Variants in ARMC9 observed in about 807,000 individuals in gnomAD.
ARMC9 encodes the protein armadillo repeat containing 9, also known as lisH domain-containing protein ARMC9.
ARMC9 carries 94 observed loss-of-function variants against 107.0 expected under a neutral mutation model. The observed-to-expected ratio is 0.88, with a 90% CI of 0.74 to 1.04. The LOEUF (loss-of-function observed/expected upper bound fraction) is 1.04, where lower values mean the gene tolerates loss of function less well. Ranked by LOEUF, ARMC9 falls within the 50% of genes least tolerant of loss-of-function variation. ARMC9 has a pLI of 0.00. For synonymous variants in ARMC9, 380 were observed against 396.9 expected (o/e 0.96, Z 0.51); for missense variants, 942 against 1,030.1 (o/e 0.91, Z 1.17).
At chr2:231,350,318 G>A (rs1380481578) in intron 21 of ARMC9, among the ~76,000 whole-genome samples, 1 of 152,056 alleles carries the variant, frequency 6.6e-6, no homozygotes, top group Non-Finnish European at 1.5e-5. Flanking sequence ...GAGCCACTGT[G>A]CCTGGCCTTA....
rs2045551944 is a variant in ARMC9, at chr2:231,360,978, G to C, written c.2261+95G>C. ...GCAGAGCACCCAGGAGACCTGGAAG[G>C]CTCCTCTGAGGCCCAGCCTCTGACA... is the stretch of plus-strand genomic sequence containing the variant. On this transcript the variant is annotated intron_variant, in intron 23 of 24. Coordinates refer to ENST00000611582, the MANE Select transcript of ARMC9 (RefSeq NM_001352754.2). This position sits in a 1 kb window ranked among gnomAD's most constrained non-coding sequence, Gnocchi z 4.7. The C allele has an allele frequency of 7.0e-7, 1 of 1,430,374 alleles. No individual in the cohort carries two copies. The highest frequency in any genetic ancestry group is 9.1e-7 in the Non-Finnish European group (1 of 1,093,522). 88.6% of individuals were successfully genotyped at this position (1,430,374 alleles called of 1,614,324 possible).
At chr2:231,284,292 CACTT>C (rs1323521759) in intron 17 of ARMC9, among the ~76,000 whole-genome samples, 2 of 152,150 alleles carry the variant, frequency 1.3e-5, no homozygotes, top group African/African-American at 4.8e-5. Flanking sequence ...CTAGGTTTGT[CACTT>C]ACTCTATGAT....
intron 13 of ARMC9, among the ~76,000 whole-genome samples, chr2:231,272,187 GTTTT>G (rs56201225): frequency 1.2e-3 from 123 of 99,722 alleles, no homozygotes; most frequent in Non-Finnish European, 1.8e-3. Flanking sequence ...TGTGTGTTTG[GTTTT>G]TTTTTTTTTT....
chr2:231,345,059 AC>A lies in ARMC9; in HGVS notation c.1968del (p.Gly657AlafsTer95). 2 of 1,613,762 alleles carry A rather than the reference AC, an allele frequency of 1.2e-6. No individual in the cohort carries two copies. The highest frequency in any genetic ancestry group is 1.7e-5 in the Admixed American group (1 of 59,890). ...GGATGAGCCCCTGCAAAGGCCCGTC[AC>A]CCCCGGCGGCCACAGAAACGGGTAC... ...SGDEPLQRPV[T>X]PGGHRNGYPV... On this transcript the variant is annotated frameshift_variant, in exon 21 of 25. Coordinates refer to ENST00000611582, the MANE Select transcript of ARMC9 (RefSeq NM_001352754.2). LOFTEE classifies it high-confidence loss of function.
chr2:231,315,686 GTTC>G (rs1169726812), intron 19 of ARMC9, among the ~76,000 whole-genome samples: 2 of 152,150 alleles, frequency 1.3e-5, no homozygotes, highest in Non-Finnish European at 1.5e-5. Flanking sequence ...CAAAACACGA[GTTC>G]TTCAACTTTG....
At chr2:231,282,646 TGTG>T (rs1271324035) in intron 17 of ARMC9, among the ~76,000 whole-genome samples, 1 of 152,254 alleles carries the variant, frequency 6.6e-6, no homozygotes, top group Non-Finnish European at 1.5e-5. Flanking sequence ...TATTAAATGC[TGTG>T]GTGAAAGGAT....
chr2:231,349,233 A>G (rs1392635384), intron 21 of ARMC9, among the ~76,000 whole-genome samples: 2 of 152,238 alleles, frequency 1.3e-5, no homozygotes, highest in African/African-American at 2.4e-5. Context: ...CATATACACA[A>G]TGGAGTACTA....
At chr2:231,241,216 AT>A (rs1240514452) in intron 9 of ARMC9, among the ~76,000 whole-genome samples, 154 of 147,860 alleles carry the variant, frequency 1.0e-3, no homozygotes, top group African/African-American at 3.6e-3. Flanking sequence ...AAAAAAAAAA[AT>A]AGAACATTTC....
chr2:231,209,381 C>CA (rs1020799310), intron 3 of ARMC9, among the ~76,000 whole-genome samples: 2 of 151,802 alleles, frequency 1.3e-5, no homozygotes, highest in Non-Finnish European at 2.9e-5. Flanking sequence ...ACCCTGTCTC[C>CA]AAAAAAATTA....
At chr2:231,291,641 C>T (rs1190954129) in intron 18 of ARMC9, among the ~76,000 whole-genome samples, 198 bp downstream of exon 18, 6 of 151,890 alleles carry the variant, frequency 4.0e-5, no homozygotes, top group South Asian at 2.1e-4. Context: ...TATGGTGAAA[C>T]GCTGTCTCTA....
intron 19 of ARMC9, among the ~76,000 whole-genome samples, chr2:231,324,105 A>C (rs1317589025): frequency 6.7e-6 from 1 of 150,334 alleles, no homozygotes; most frequent in Non-Finnish European, 1.5e-5. Flanking sequence ...AATTCTCAGC[A>C]AATTTAATTG....
At chr2:231,261,661 A>G (rs2038356517) in intron 11 of ARMC9, among the ~76,000 whole-genome samples, 1 of 152,154 alleles carries the variant, frequency 6.6e-6, no homozygotes, top group African/African-American at 2.4e-5. Context: ...CCCATCCTGC[A>G]GGGACCAGCT....
intron 19 of ARMC9, among the ~76,000 whole-genome samples, chr2:231,302,442 T>TG (rs1338923395): frequency 3.6e-5 from 5 of 139,308 alleles, no homozygotes; most frequent in African/African-American, 1.1e-4. Context: ...GGTTTGTTTT[T>TG]TTTTTTTTTT....
chr2:231,284,688 T>G (rs534894946), intron 17 of ARMC9, among the ~76,000 whole-genome samples: 43 of 152,180 alleles, frequency 2.8e-4, no homozygotes, highest in Admixed American at 2.7e-3. Context: ...ACCATCGCAT[T>G]TATTGTCTTG....
rs114559895 is a variant in ARMC9 at position 231,339,876 on chromosome 2, C to T, written c.1879-5099C>T. Among the ~76,000 whole-genome samples the T allele has an allele frequency of 6.3e-3, 954 of 152,256 alleles. 10 individuals carry two copies. Among genetic ancestry groups the T allele is most frequent in the African/African-American group, 0.022 (908 of 41,542 alleles). On this transcript the variant is annotated intron_variant, in intron 20 of 24. Transcript: ENST00000611582. The stretch of plus-strand genomic sequence containing the variant: ...TGAACCCAGGAGGCAGAGGTTGCAG[C>T]GGGCCAAAATCACGACATTGCACTC...
At chr2:231,222,389 G>C (rs564664156) in intron 5 of ARMC9, among the ~76,000 whole-genome samples, 1 of 152,150 alleles carries the variant, frequency 6.6e-6, no homozygotes, top group Admixed American at 6.5e-5. Flanking sequence ...AGTGCTGTGC[G>C]TGCCTAGACT....
At chr2:231,363,883 CA>C (rs1176736980) in intron 23 of ARMC9, among the ~76,000 whole-genome samples, 1,855 of 16,232 alleles carry the variant, frequency 0.11, 16 homozygotes, top group African/African-American at 0.25. Flanking sequence ...GACTCCGTCT[CA>C]AAAAAAAAAA....
chr2:231,255,956 C>T lies in ARMC9; in HGVS notation c.880-630C>T, dbSNP rs1325755709. The T allele has an allele frequency of 4.0e-6, 3 of 755,002 alleles. No individual in the cohort carries two copies. The highest frequency in any genetic ancestry group is 1.8e-5 in the African/African-American group (1 of 56,190). The allele number at this position is 755,002 out of a possible 1,614,324, so 46.8% of individuals were successfully genotyped here. A position where few individuals can be genotyped will look rare whatever the true frequency, so the allele number is the denominator to read the frequency against. ...TCAGGAGGCTGAGGCAGGAGAATGG[C>T]GTGAACCCGGTAGGCGGAGGTTGCG... is the stretch of plus-strand genomic sequence containing the variant. On this transcript the variant is annotated intron_variant, in intron 9 of 24. Transcript: ENST00000611582. The surrounding 1 kb of genome is among the most constrained non-coding windows in gnomAD (Gnocchi z 4.7).
intron 6 of ARMC9, among the ~76,000 whole-genome samples, chr2:231,225,337 A>G (rs1314281813): frequency 6.6e-6 from 1 of 152,220 alleles, no homozygotes; most frequent in Non-Finnish European, 1.5e-5. Context: ...CTGTACACCC[A>G]AGAGCTATAT....
Sources: gnomAD v4.1 joint callset for allele counts (sites outside exome capture counted in the v4.1 genomes callset) on GRCh38, gnomAD v4.1.1 for gene constraint, Gnocchi (gnomAD v3.1) non-coding constraint, MANE v1.5 for transcripts, NCBI Gene and HGNC (gene_info 2026-07-23, HGNC 2026-07-21) for gene names.